Variants in ABHD18 observed in about 807,000 individuals in gnomAD.
ABHD18 encodes cardiolipin-specific deacylase, mitochondrial.
A neutral mutation model predicts 65.9 loss-of-function variants in ABHD18; 55 were observed. The observed-to-expected ratio is 0.84, with a 90% CI of 0.67 to 1.05. The LOEUF is 1.05. Among genes scored for constraint, ABHD18 ranks in the 50% least tolerant of loss-of-function variants. The pLI, the probability that ABHD18 is intolerant of heterozygous loss-of-function variation, is 0.00. For synonymous variants in ABHD18, 181 were observed against 180.2 expected (o/e 1.00, Z -0.04); for missense variants, 533 against 558.5 (o/e 0.95, Z 0.46).
rs879919982 is a variant in ABHD18, at chr4:128,008,413, G to A, written c.279-507G>A. 4.6e-5 allele frequency among the ~76,000 whole-genome samples: 7 copies of A among 150,746 alleles called. 1 individual carries two copies. The highest frequency in any genetic ancestry group is 6.6e-5 in the Admixed American group (1 of 15,162). On this transcript the variant is annotated intron_variant, in intron 4 of 12. Transcript: ENST00000645843. The stretch of plus-strand genomic sequence containing the variant: ...CAGCCTCCTGAGTAGCTGGAATTAC[G>A]GGCATGTGCCACCATGCCCGGCTAA...
intron 4 of ABHD18, among the ~76,000 whole-genome samples, chr4:127,991,651 T>C (rs550106806): frequency 6.6e-6 from 1 of 152,324 alleles, no homozygotes; most frequent in Non-Finnish European, 1.5e-5. Flanking sequence ...TTTTTTCCCC[T>C]ACACTGTTGA....
At chr4:127,975,653 T>A (rs1416961590) in intron 1 of ABHD18, among the ~76,000 whole-genome samples, 4 of 152,208 alleles carry the variant, frequency 2.6e-5, no homozygotes, top group South Asian at 4.1e-4. Flanking sequence ...TTCTAAATTT[T>A]ATGGAGGAAA....
intron 1 of ABHD18, among the ~76,000 whole-genome samples, chr4:127,970,878 C>A (rs1374104152): frequency 6.6e-6 from 1 of 151,808 alleles, no homozygotes; most frequent in Non-Finnish European, 1.5e-5. Flanking sequence ...AGTTCCAGAC[C>A]AGCCTGGCCA....
At chr4:128,007,328 T>TAA (rs750294558) in intron 4 of ABHD18, among the ~76,000 whole-genome samples, 1,900 of 58,660 alleles carry the variant, frequency 0.032, 68 homozygotes, top group African/African-American at 0.11. Context: ...ACCTTGTCTC[T>TAA]AAAAAAAAAA....
chr4:128,028,851 C>A lies in ABHD18; in HGVS notation c.1178C>A (p.Ser393Ter). The A allele has an allele frequency of 1.3e-6, 2 of 1,533,658 alleles. No homozygotes were observed. The highest frequency in any genetic ancestry group is 1.3e-5 in the South Asian group (1 of 78,168). The stretch of plus-strand genomic sequence containing the variant: ...GAATGTACTCATGTAGCAAATTTCT[C>A]AGGTACTAATTTTTATATGAAATTG... The part of the protein sequence containing the change: ...MDECTHVANF[S>*]VPVDPSLIIV... Residue 393 changes from serine (S) to a stop codon, truncating the protein, a stop_gained and splice_region_variant, in exon 11 of 13, where the codon TCA (serine) becomes TAA (stop). Transcript: ENST00000645843. LOFTEE classifies it high-confidence loss of function.
rs996439290 is a variant in ABHD18, at chr4:127,989,769, C to T, written c.226C>T (p.Pro76Ser). 3 of 1,601,992 alleles carry T rather than the reference C, an allele frequency of 1.9e-6. No homozygotes were observed. The highest frequency in any genetic ancestry group is 1.3e-5 in the African/African-American group (1 of 74,714). The change falls in exon 4 of 13, where the codon CCC becomes TCC. Residue 76 changes from proline to serine, a missense_variant. Pro to Ser is a moderately conservative substitution (Grantham distance 74, BLOSUM62 -1). Coordinates refer to ENST00000645843, the MANE Select transcript of ABHD18 (RefSeq NM_001358451.3). ...GATCTTAGATGGACACTTTGTTTCC[C>T]CCATGGCTCACTATGTGCCTGATAT... ...CKILDGHFVSPMAHYVPDIMP... is the reference protein window; with the variant it reads ...CKILDGHFVSSMAHYVPDIMP...
In ABHD18 at chr4:128,038,661, T is replaced by C. The variant is rs1372220155; in HGVS notation, c.*2848T>C. ...ATCCCAGCACTTTGGGAGGCCGAGG[T>C]GGGGGGACCACCTGAGGTTGGGAGT... On this transcript the variant is annotated 3_prime_UTR_variant, in exon 13 of 13. Transcript: ENST00000645843. 1 of 151,630 alleles carries C rather than the reference T, an allele frequency of 6.6e-6. No homozygotes were observed. Among genetic ancestry groups the C allele is most frequent in the Non-Finnish European group, 1.5e-5 (1 of 67,992 alleles). The allele number at this position is 151,630 out of a possible 1,614,324, so 9.4% of individuals were successfully genotyped here. A position where few individuals can be genotyped will look rare whatever the true frequency, so the allele number is the denominator to read the frequency against.
intron 2 of ABHD18, among the ~76,000 whole-genome samples, chr4:127,983,814 G>A (rs1201957535): frequency 1.3e-5 from 2 of 152,038 alleles, no homozygotes; most frequent in Non-Finnish European, 2.9e-5. Context: ...GCAGTGAGCC[G>A]AGATCGCGCT....
chr4:127,975,565 A>G (rs1286703394), intron 1 of ABHD18, among the ~76,000 whole-genome samples: 1 of 152,188 alleles, frequency 6.6e-6, no homozygotes, highest in Non-Finnish European at 1.5e-5. Context: ...TTATCCATTC[A>G]TCTGCCAATG....
Position 128,018,632 on chromosome 4 carries a change from C to T in ABHD18, c.609+1131C>T, listed in dbSNP as rs138324309. On this transcript the variant is annotated intron_variant, in intron 8 of 12. Transcript: ENST00000645843. ...CCTGATTAGGTGACCCAGACAGAAGCGAGATTCTATCTCAAAGTAATAATT... is the reference window on the plus strand; with the variant it reads ...CCTGATTAGGTGACCCAGACAGAAGTGAGATTCTATCTCAAAGTAATAATT... 9.3e-4 allele frequency among the ~76,000 whole-genome samples: 142 copies of T among 151,984 alleles called. 1 individual carries two copies. In the East Asian group the frequency reaches 0.026, roughly 27 times the overall value.
At chr4:127,996,224 A>G (rs377533832) in intron 4 of ABHD18, among the ~76,000 whole-genome samples, 1 of 152,216 alleles carries the variant, frequency 6.6e-6, no homozygotes, top group East Asian at 1.9e-4. Context: ...GATACATAGT[A>G]TTCACTCACC....
At chr4:127,973,817 CA>C (rs57170719) in intron 1 of ABHD18, among the ~76,000 whole-genome samples, 930 of 16,622 alleles carry the variant, frequency 0.056, 3 homozygotes, top group African/African-American at 0.092. Context: ...TGATGAACAG[CA>C]AAAAAAAAAA....
intron 1 of ABHD18, among the ~76,000 whole-genome samples, chr4:127,975,181 ATTT>A (rs1747676541): frequency 1.3e-5 from 2 of 151,992 alleles, no homozygotes; most frequent in Admixed American, 6.6e-5. Flanking sequence ...CATCTTAATA[ATTT>A]TAACTCTATA....
At chr4:128,030,466 T>A (rs1689459977) in intron 11 of ABHD18, 44 bp from the exon 12 acceptor site, 1 of 1,331,326 alleles carries the variant, frequency 7.5e-7, no homozygotes, top group Non-Finnish European at 9.8e-7. Flanking sequence ...GTTTTTTTAT[T>A]TTCTAATGTG....
At chr4:127,988,818 G>A (rs886332773) in intron 3 of ABHD18, among the ~76,000 whole-genome samples, 10 of 152,194 alleles carry the variant, frequency 6.6e-5, no homozygotes, top group African/African-American at 2.2e-4. Flanking sequence ...ACCTCGTACA[G>A]TGTTGGTGGG....
intron 3 of ABHD18, among the ~76,000 whole-genome samples, chr4:127,986,820 A>T (rs1750046482): frequency 6.6e-6 from 1 of 152,090 alleles, no homozygotes; most frequent in African/African-American, 2.4e-5. Flanking sequence ...TCAAGTGTGA[A>T]TTGGCCATTT....
At chr4:128,011,512 A>G (rs1471411665) in intron 6 of ABHD18, among the ~76,000 whole-genome samples, 161 bp from the exon 7 acceptor site, 5 of 151,676 alleles carry the variant, frequency 3.3e-5, no homozygotes, top group Non-Finnish European at 7.4e-5. Context: ...AAGGAAAATA[A>G]TTAAGTTGAA....
At chr4:127,975,012 A>AT (rs999139956) in intron 1 of ABHD18, among the ~76,000 whole-genome samples, 2 of 149,668 alleles carry the variant, frequency 1.3e-5, no homozygotes, top group Non-Finnish European at 3.0e-5. Context: ...AAAAAAAAAA[A>AT]AAAAAAATAG....
At chr4:127,995,335 C>T (rs1285133848) in intron 4 of ABHD18, among the ~76,000 whole-genome samples, 2 of 152,152 alleles carry the variant, frequency 1.3e-5, no homozygotes, top group African/African-American at 4.8e-5. Context: ...TTACTTCAGG[C>T]ATTACTTTTA....
Sources: gnomAD v4.1 joint callset for allele counts (sites outside exome capture counted in the v4.1 genomes callset) on GRCh38, gnomAD v4.1.1 for gene constraint, MANE v1.5 for transcripts, NCBI Gene and HGNC (gene_info 2026-07-23, HGNC 2026-07-21) for gene names.